Variants in CTNNA2 observed in about 807,000 individuals in gnomAD.
CTNNA2 encodes the protein catenin alpha 2.
A neutral mutation model predicts 101.0 loss-of-function variants in CTNNA2; 42 were observed. That is an observed-to-expected ratio of 0.42 (90% CI 0.32 to 0.54). The LOEUF is 0.54. Among genes scored for constraint, CTNNA2 ranks in the 20% least tolerant of loss-of-function variants. The pLI is 0.14. For missense variants in CTNNA2, 871 were observed against 1,223.1 expected (o/e 0.71, Z 4.29); for synonymous variants, 450 against 456.4 (o/e 0.99, Z 0.18).
chr2:79,489,143 T>C (rs1374524642), intron 4 of CTNNA2, among the ~76,000 whole-genome samples: 1 of 152,164 alleles, frequency 6.6e-6, no homozygotes, highest in Non-Finnish European at 1.5e-5. Context: ...CATAATCATG[T>C]TTACTTGGTC....
chr2:79,410,535 T>C (rs575650419), intron 4 of CTNNA2, among the ~76,000 whole-genome samples: 53 of 152,228 alleles, frequency 3.5e-4, no homozygotes, highest in Non-Finnish European at 7.4e-4. Flanking sequence ...TTGTCAAAGT[T>C]CTTTTCTGCA....
At chr2:80,491,717 A>G (rs1174369065) in intron 9 of CTNNA2, among the ~76,000 whole-genome samples, 1 of 152,128 alleles carries the variant, frequency 6.6e-6, no homozygotes, top group African/African-American at 2.4e-5. Flanking sequence ...TACTTGCATA[A>G]TTACTCAAAG....
intron 2 of CTNNA2, among the ~76,000 whole-genome samples, chr2:79,730,562 A>T (rs1185266264): frequency 6.6e-6 from 1 of 152,062 alleles, no homozygotes; most frequent in Non-Finnish European, 1.5e-5. Context: ...ATTCCAAGAA[A>T]TGCTAATGGA....
intron 3 of CTNNA2, among the ~76,000 whole-genome samples, chr2:79,832,032 G>A (rs188534769): frequency 3.3e-5 from 5 of 152,008 alleles, no homozygotes; most frequent in African/African-American, 7.2e-5. Context: ...CAAGTATTTG[G>A]CTCTAAGATA....
At chr2:80,455,347 C>T (rs1683874013) in intron 9 of CTNNA2, among the ~76,000 whole-genome samples, 1 of 152,132 alleles carries the variant, frequency 6.6e-6, no homozygotes, top group South Asian at 2.1e-4. Flanking sequence ...GTTGAATGGG[C>T]TTGTATAAAG....
chr2:79,920,014 C>G (rs575960879), intron 7 of CTNNA2, among the ~76,000 whole-genome samples: 2 of 151,610 alleles, frequency 1.3e-5, no homozygotes, highest in African/African-American at 2.4e-5. Context: ...GTCAGGAGTT[C>G]GAGACCAGCC....
chr2:80,063,462 G>T (rs552707117), intron 7 of CTNNA2, among the ~76,000 whole-genome samples: 2 of 152,312 alleles, frequency 1.3e-5, no homozygotes, highest in Admixed American at 1.3e-4. Context: ...AGAAGAAGAA[G>T]AATCTCACAA....
At chr2:80,005,869 T>C (rs974346298) in intron 7 of CTNNA2, among the ~76,000 whole-genome samples, 1 of 151,976 alleles carries the variant, frequency 6.6e-6, no homozygotes, top group African/African-American at 2.4e-5. Context: ...TGGAGTGTAA[T>C]ACAATATTGA....
chr2:80,118,969 T>C (rs1701680590), intron 7 of CTNNA2, among the ~76,000 whole-genome samples: 2 of 152,218 alleles, frequency 1.3e-5, no homozygotes, highest in South Asian at 4.1e-4. Flanking sequence ...ATATCAAAGG[T>C]AAAAACTGAG....
At chr2:80,389,998 C>G (rs1212790597) in intron 7 of CTNNA2, among the ~76,000 whole-genome samples, 1 of 152,196 alleles carries the variant, frequency 6.6e-6, no homozygotes, top group African/African-American at 2.4e-5. Context: ...AGTAATCACA[C>G]TATAAAGAAG....
rs1000933259 is a variant in CTNNA2 at position 79,529,330 on chromosome 2, T to C, written c.-6+16123T>C. Among the ~76,000 whole-genome samples the C allele has an allele frequency of 4.9e-4, 75 of 152,286 alleles. 1 individual carries two copies. Among genetic ancestry groups the C allele is most frequent in the African/African-American group, 1.7e-3 (69 of 41,580 alleles). On this transcript the variant is annotated intron_variant, in intron 1 of 18. Coordinates refer to ENST00000402739, the MANE Select transcript of CTNNA2 (RefSeq NM_001282597.3). ...GGCTAACCGTGAACGTTATCACATGTCTTCTTGTGCGAAACATAATTCAGG... is the reference window on the plus strand; with the variant it reads ...GGCTAACCGTGAACGTTATCACATGCCTTCTTGTGCGAAACATAATTCAGG...
chr2:79,244,988 C>T (rs913864370), intron 2 of CTNNA2, among the ~76,000 whole-genome samples: 7 of 151,392 alleles, frequency 4.6e-5, no homozygotes, highest in Non-Finnish European at 7.4e-5. Flanking sequence ...CCAGCTACTA[C>T]GGAGGCTGAG....
chr2:80,331,348 G>T (rs531711824), intron 7 of CTNNA2, among the ~76,000 whole-genome samples: 1 of 152,200 alleles, frequency 6.6e-6, no homozygotes, highest in African/African-American at 2.4e-5. Flanking sequence ...CCATCCAAGC[G>T]TATGGGTTTA....
intron 2 of CTNNA2, among the ~76,000 whole-genome samples, chr2:79,709,527 G>A (rs1685610235): frequency 6.6e-6 from 1 of 151,906 alleles, no homozygotes; most frequent in Admixed American, 6.6e-5. Flanking sequence ...AAAGTACTTG[G>A]CAATCCAAAA....
At chr2:80,201,643 G>T (rs1013836796) in intron 7 of CTNNA2, among the ~76,000 whole-genome samples, 3 of 151,982 alleles carry the variant, frequency 2.0e-5, no homozygotes, top group African/African-American at 7.2e-5. Context: ...CCAAAGTGCT[G>T]GGATTACAGG....
intron 1 of CTNNA2, among the ~76,000 whole-genome samples, chr2:79,636,471 A>C (rs1412895150): frequency 6.6e-6 from 1 of 151,886 alleles, no homozygotes; most frequent in Non-Finnish European, 1.5e-5. Flanking sequence ...GACGACTAAG[A>C]ATAAGATGTT....
At chr2:80,450,486 A>C (rs1683412305) in intron 9 of CTNNA2, among the ~76,000 whole-genome samples, 2 of 152,176 alleles carry the variant, frequency 1.3e-5, no homozygotes, top group African/African-American at 4.8e-5. Flanking sequence ...GTTGTAATTT[A>C]ACCCAGGGAA....
intron 12 of CTNNA2, among the ~76,000 whole-genome samples, chr2:80,569,235 T>C (rs1330382574): frequency 6.6e-6 from 1 of 152,216 alleles, no homozygotes; most frequent in Admixed American, 6.5e-5. Flanking sequence ...ACTAGAATGA[T>C]GCGACCTTGA....
chr2:80,038,349 G>A (rs1016679677), intron 7 of CTNNA2, among the ~76,000 whole-genome samples: 3 of 152,184 alleles, frequency 2.0e-5, no homozygotes, highest in Admixed American at 2.0e-4. Context: ...TTAGCCTGGG[G>A]CTTCCTGGGG....
Sources: gnomAD v4.1 joint callset for allele counts (sites outside exome capture counted in the v4.1 genomes callset) on GRCh38, gnomAD v4.1.1 for gene constraint, MANE v1.5 for transcripts, NCBI Gene and HGNC (gene_info 2026-07-23, HGNC 2026-07-21) for gene names.